Variants in RIMS3 observed in about 807,000 individuals in gnomAD.
RIMS3 encodes regulating synaptic membrane exocytosis protein 3.
Under a neutral mutation model 29.2 loss-of-function variants are expected in RIMS3, and 15 were observed. That is an observed-to-expected ratio of 0.51 (90% CI 0.34 to 0.79). The LOEUF is 0.79. RIMS3 is among the 30% of genes least tolerant of loss of function. The pLI is 0.01. For missense variants in RIMS3, 342 were observed against 421.4 expected (o/e 0.81, Z 1.65); for synonymous variants, 161 against 170.1 (o/e 0.95, Z 0.41).
chr1:40,629,480 A>G, intron 5 of RIMS3, 108 bp from the exon 6 acceptor site: 2 of 931,212 alleles, frequency 2.1e-6, no homozygotes, highest in Non-Finnish European at 3.5e-6. Context: ...ATCACTAGAA[A>G]GGGAACAAGA....
At chr1:40,691,882 G>C in the RIMS3 span, 104 of 385,666 alleles carry the variant, frequency 2.7e-4, no homozygotes, top group Middle Eastern at 1.4e-3. Context: ...GTGAGTGTGC[G>C]GGAGTTTCTG....
intron 4 of RIMS3, among the ~76,000 whole-genome samples, chr1:40,634,711 G>C (rs908373035): frequency 2.6e-5 from 4 of 152,108 alleles, no homozygotes; most frequent in Non-Finnish European, 5.9e-5. Flanking sequence ...GGAAGCTGAG[G>C]TGGGCGAATC....
the RIMS3 span, among the ~76,000 whole-genome samples, chr1:40,678,632 G>A: frequency 5.0e-3 from 756 of 152,280 alleles, 5 homozygotes; most frequent in African/African-American, 0.018. Context: ...CCATAACACA[G>A]TTCTAATAGC....
chr1:40,632,053 T>A (rs1220910891), intron 5 of RIMS3, among the ~76,000 whole-genome samples: 1 of 152,176 alleles, frequency 6.6e-6, no homozygotes, highest in Non-Finnish European at 1.5e-5. Flanking sequence ...ATATGCTTTA[T>A]TTTATTCAGT....
upstream of RIMS3, among the ~76,000 whole-genome samples, chr1:40,670,574 TTATATATATATATATA>T (rs553412097): frequency 9.0e-3 from 641 of 71,192 alleles, 35 homozygotes; most frequent in African/African-American, 0.041. Flanking sequence ...AGTTATAATT[TTATATATATATATATA>T]TATATATATA....
rs1452700153 is a variant in RIMS3 at position 40,621,467 on chromosome 1, G to A, written c.*5050C>T. ...GCATCTGGGCATGGACCAGATGAGAGCCTGCACCCAGCCTGGGCATCAGGG... is the reference window on the plus strand; with the variant it reads ...GCATCTGGGCATGGACCAGATGAGAACCTGCACCCAGCCTGGGCATCAGGG... On this transcript the variant is annotated 3_prime_UTR_variant, in exon 8 of 8. Transcript: ENST00000372684. 1.3e-5 allele frequency: 2 copies of A among 152,222 alleles called. No homozygotes were observed. The highest frequency in any genetic ancestry group is 2.9e-5 in the Non-Finnish European group (2 of 68,044). 9.4% of individuals were successfully genotyped at this position (152,222 alleles called of 1,614,324 possible).
intron 5 of RIMS3, 35 bp downstream of exon 5, chr1:40,633,034 A>C (rs777012720): frequency 6.4e-7 from 1 of 1,552,012 alleles, no homozygotes; most frequent in East Asian, 2.2e-5. Context: ...CATGGTCACC[A>C]TTACCCCACT....
chr1:40,685,275 CAT>C, the RIMS3 span, among the ~76,000 whole-genome samples: 2 of 118,150 alleles, frequency 1.7e-5, no homozygotes, highest in African/African-American at 3.4e-5. Flanking sequence ...TTATGAAAAA[CAT>C]AATTTATTAA....
chr1:40,622,064 G>A lies in RIMS3; in HGVS notation c.*4453C>T, dbSNP rs186826295. On this transcript the variant is annotated 3_prime_UTR_variant, in exon 8 of 8. Transcript: ENST00000372684. ...CACACAAGCCCAAGCTCAGGGTTCG[G>A]GGGGAGGGGAGGGAGGGAAAGTTGC... The A allele has an allele frequency of 6.5e-6, 1 of 152,736 alleles. No individual in the cohort carries two copies. Among genetic ancestry groups the A allele is most frequent in the African/African-American group, 2.4e-5 (1 of 41,440 alleles). 9.5% of individuals were successfully genotyped at this position (152,736 alleles called of 1,614,324 possible).
chr1:40,640,296 A>T (rs901268670), intron 3 of RIMS3, among the ~76,000 whole-genome samples: 2 of 152,082 alleles, frequency 1.3e-5, no homozygotes, highest in African/African-American at 4.8e-5. Context: ...TAAACTGCAT[A>T]TTCACAGAGG....
chr1:40,638,362 C>T (rs1242172328), intron 3 of RIMS3, among the ~76,000 whole-genome samples: 7 of 152,184 alleles, frequency 4.6e-5, no homozygotes, highest in Non-Finnish European at 8.8e-5. Context: ...CATGTCCATA[C>T]GATCCCTCCA....
At chr1:40,630,739 C>T (rs1646484247) in intron 5 of RIMS3, among the ~76,000 whole-genome samples, 3 of 152,200 alleles carry the variant, frequency 2.0e-5, no homozygotes, top group Admixed American at 6.5e-5. Flanking sequence ...GCTGCCATGG[C>T]GCATTAGCCT....
chr1:40,647,007 A>C (rs1270078233), intron 2 of RIMS3, among the ~76,000 whole-genome samples: 1 of 151,842 alleles, frequency 6.6e-6, no homozygotes, highest in Non-Finnish European at 1.5e-5. Flanking sequence ...CAGCCTCCCA[A>C]GTAGCTGGGA....
In RIMS3 at chr1:40,635,901, CG is replaced by C; in HGVS notation, c.359+14del. ...GAGGAGGAGGGAGGGGACCACAGCA[CG>C]GGGCTGCACGCACGTGCCGTCGGAG... On this transcript the variant is annotated intron_variant, in intron 4 of 7. Transcript: ENST00000372684. The surrounding 1 kb of genome is among the most constrained non-coding windows in gnomAD (Gnocchi z 4.1). 1 of 1,611,822 alleles carries C rather than the reference CG, an allele frequency of 6.2e-7. No homozygotes were observed.
the RIMS3 span, among the ~76,000 whole-genome samples, chr1:40,683,822 T>G: frequency 1.3e-5 from 2 of 152,266 alleles, no homozygotes; most frequent in African/African-American, 2.4e-5. Context: ...ATAAAGGTTC[T>G]GTCCTCTGAC....
chr1:40,681,740 G>A, the RIMS3 span, among the ~76,000 whole-genome samples: 5 of 152,174 alleles, frequency 3.3e-5, no homozygotes, highest in Admixed American at 2.0e-4. Flanking sequence ...GAATTCCTCT[G>A]TGCCAGGCAA....
chr1:40,677,898 A>G, the RIMS3 span, among the ~76,000 whole-genome samples: 5 of 152,094 alleles, frequency 3.3e-5, no homozygotes, highest in Admixed American at 6.5e-5. Flanking sequence ...TGTACCCTCT[A>G]CAGAGACTTA....
At chr1:40,644,032 A>C in intron 2 of RIMS3, among the ~76,000 whole-genome samples, 1 of 139,514 alleles carries the variant, frequency 7.2e-6, no homozygotes, top group Non-Finnish European at 1.6e-5. Context: ...AAGGGGGGGA[A>C]GATTTGGATC....
the RIMS3 span, among the ~76,000 whole-genome samples, chr1:40,684,325 T>A: frequency 2.0e-5 from 3 of 152,230 alleles, no homozygotes; most frequent in Non-Finnish European, 4.4e-5. Flanking sequence ...TCTTCATTCT[T>A]AGAAAGGCTC....
Sources: gnomAD v4.1 joint callset for allele counts (sites outside exome capture counted in the v4.1 genomes callset) on GRCh38, gnomAD v4.1.1 for gene constraint, Gnocchi (gnomAD v3.1) non-coding constraint, MANE v1.5 for transcripts, NCBI Gene and HGNC (gene_info 2026-07-23, HGNC 2026-07-21) for gene names.